NCAM1: variants seen among roughly 807,000 people sequenced by gnomAD.
NCAM1 encodes neural cell adhesion molecule 1, also known as antigen recognized by monoclonal antibody 5.1H11.
In NCAM1, 14 loss-of-function variants were observed where a neutral mutation model predicts 109.8. That is an observed-to-expected ratio of 0.13 (90% CI 0.08 to 0.20). NCAM1 has a LOEUF of 0.20. NCAM1 is among the 10% of genes least tolerant of loss of function. The probability of loss-of-function intolerance (pLI) is 1.00; values close to 1 mark genes in which losing one functional copy is unlikely to be tolerated. For synonymous variants in NCAM1, 418 were observed against 442.9 expected (o/e 0.94, Z 0.70); for missense variants, 774 against 1,109.9 (o/e 0.70, Z 4.30).
At chr11:112,993,914 A>G (rs1332276634) in intron 1 of NCAM1, among the ~76,000 whole-genome samples, 1 of 152,164 alleles carries the variant, frequency 6.6e-6, no homozygotes, top group African/African-American at 2.4e-5. Context: ...GAGAGTATCA[A>G]ATCTTGAAAT....
At chr11:113,076,555 CTAAA>C (rs1365018943) in intron 1 of NCAM1, among the ~76,000 whole-genome samples, 1 of 152,232 alleles carries the variant, frequency 6.6e-6, no homozygotes, top group Non-Finnish European at 1.5e-5. Context: ...TCTGCCCCAA[CTAAA>C]TAGTTGAGTG....
intron 1 of NCAM1, among the ~76,000 whole-genome samples, chr11:113,070,281 A>G (rs1555085064): frequency 6.6e-6 from 1 of 152,194 alleles, no homozygotes; most frequent in Admixed American, 6.5e-5. Flanking sequence ...CAGGGAGGTG[A>G]AAGAAAATAG....
chr11:113,186,391 G>C (rs567828545), intron 1 of NCAM1, among the ~76,000 whole-genome samples: 1 of 152,154 alleles, frequency 6.6e-6, no homozygotes, highest in Non-Finnish European at 1.5e-5. Flanking sequence ...ACCCTCTGCC[G>C]GTCCATGGAA....
intron 1 of NCAM1, among the ~76,000 whole-genome samples, chr11:113,028,008 G>T (rs1429506738): frequency 6.6e-6 from 1 of 152,178 alleles, no homozygotes; most frequent in Non-Finnish European, 1.5e-5. Flanking sequence ...TCTCATAGAA[G>T]CAGAGAATAG....
intron 17 of NCAM1, among the ~76,000 whole-genome samples, chr11:113,268,290 C>T (rs754245618): frequency 1.3e-5 from 2 of 152,344 alleles, no homozygotes; most frequent in African/African-American, 2.4e-5. Flanking sequence ...TTCTAGCTGA[C>T]GGCTAAGGCC....
chr11:113,245,685 C>T (rs1465485453), intron 14 of NCAM1, among the ~76,000 whole-genome samples: 2 of 152,168 alleles, frequency 1.3e-5, no homozygotes, highest in Non-Finnish European at 2.9e-5. Flanking sequence ...ATAAGATCCT[C>T]AAAGCCACCA....
In NCAM1 at chr11:113,240,727, A is replaced by G. The variant is rs370303328; in HGVS notation, c.1825+5563A>G. The stretch of plus-strand genomic sequence containing the variant: ...GGGTTGTTGCTTCCATTTTTTTTTC[A>G]TTCAGTATCTGTGTGCCTCAATGAT... On this transcript the variant is annotated intron_variant, in intron 14 of 19. Coordinates refer to ENST00000316851, the MANE Select transcript of NCAM1 (RefSeq NM_181351.5). 14 of 1,531,942 alleles carry G rather than the reference A, an allele frequency of 9.1e-6. No individual in the cohort carries two copies. The African/African-American group carries it at 9.6e-5, about 11-fold the overall frequency. The allele number at this position is 1,531,942 out of a possible 1,614,324, so 94.9% of individuals were successfully genotyped here. A position where few individuals can be genotyped will look rare whatever the true frequency, so the allele number is the denominator to read the frequency against.
intron 1 of NCAM1, chr11:113,130,849 T>C (rs887747502): frequency 6.6e-6 from 1 of 152,160 alleles, no homozygotes; most frequent in African/African-American, 2.4e-5. Flanking sequence ...ATCAAGTGTG[T>C]GATGGGGGTG....
chr11:113,007,363 C>T (rs781961591), intron 1 of NCAM1, among the ~76,000 whole-genome samples: 1 of 152,004 alleles, frequency 6.6e-6, no homozygotes, highest in Non-Finnish European at 1.5e-5. Context: ...TCTGGTCTGT[C>T]TATATTCTCA....
intron 14 of NCAM1, 187 bp downstream of exon 14, chr11:113,235,351 TTC>T: frequency 8.0e-7 from 1 of 1,247,160 alleles, no homozygotes; most frequent in Non-Finnish European, 1.2e-6. Flanking sequence ...AGTCCCTTCA[TTC>T]TCTCTTTCTC....
Position 113,083,790 on chromosome 11 carries a change from G to C in NCAM1, c.53-118589G>C, listed in dbSNP as rs182040474. On this transcript the variant is annotated intron_variant, in intron 1 of 19. Coordinates refer to ENST00000316851, the MANE Select transcript of NCAM1 (RefSeq NM_181351.5). ...GCTGGTGGCCCCAGGATCACTTTTTGAGTAGCAAGGGCTTTGTCTTTGAGT... is the reference window on the plus strand; with the variant it reads ...GCTGGTGGCCCCAGGATCACTTTTTCAGTAGCAAGGGCTTTGTCTTTGAGT... 1.6e-3 allele frequency among the ~76,000 whole-genome samples: 245 copies of C among 152,242 alleles called. 1 individual carries two copies. Among genetic ancestry groups the C allele is most frequent in the African/African-American group, 5.5e-3 (229 of 41,546 alleles).
At chr11:113,085,990 A>G (rs1433998254) in intron 1 of NCAM1, among the ~76,000 whole-genome samples, 1 of 152,244 alleles carries the variant, frequency 6.6e-6, no homozygotes, top group South Asian at 2.1e-4. Flanking sequence ...TCCAACTTCC[A>G]TAAGCCGCAT....
At chr11:113,156,341 C>CA (rs1379212793) in intron 1 of NCAM1, among the ~76,000 whole-genome samples, 3 of 151,950 alleles carry the variant, frequency 2.0e-5, no homozygotes, top group African/African-American at 7.3e-5. Flanking sequence ...ATAAGATGTA[C>CA]AAAACATAGA....
intron 1 of NCAM1, among the ~76,000 whole-genome samples, chr11:113,194,929 C>A (rs1390799427): frequency 2.6e-5 from 4 of 152,126 alleles, no homozygotes; most frequent in Non-Finnish European, 5.9e-5. Context: ...AGATAGAATT[C>A]TTGGGATTTA....
chr11:112,985,853 T>A (rs1239889557), intron 1 of NCAM1, among the ~76,000 whole-genome samples: 1 of 151,940 alleles, frequency 6.6e-6, no homozygotes, highest in African/African-American at 2.4e-5. Flanking sequence ...CTGCAAATAG[T>A]AACAGTTTAA....
rs182827390 is a variant in NCAM1 at position 113,227,885 on chromosome 11, C to G, written c.1090-3760C>G. ...AAGGCCTTTGATAAAATCCAACAAC[C>G]CTTCATGCTAAAAACTCTCAATAAA... On this transcript the variant is annotated intron_variant, in intron 9 of 19. Coordinates refer to ENST00000316851, the MANE Select transcript of NCAM1 (RefSeq NM_181351.5). Among the ~76,000 whole-genome samples the G allele has an allele frequency of 7.7e-4, 117 of 152,196 alleles. 1 individual carries two copies. The South Asian group carries it at 0.018, about 23-fold the overall frequency.
chr11:113,270,632 T>G, intron 18 of NCAM1: 1 of 547,850 alleles, frequency 1.8e-6, no homozygotes, highest in Non-Finnish European at 3.3e-6. Context: ...TATTAGAATC[T>G]CCCCAGAGTG....
intron 1 of NCAM1, among the ~76,000 whole-genome samples, chr11:113,112,104 G>A (rs1026773967): frequency 2.6e-5 from 4 of 152,094 alleles, no homozygotes; most frequent in African/African-American, 9.7e-5. Flanking sequence ...TGATTAGGTA[G>A]CTGAAGACTC....
At chr11:113,268,411 C>T (rs1294951976) in intron 17 of NCAM1, among the ~76,000 whole-genome samples, 2 of 152,148 alleles carry the variant, frequency 1.3e-5, no homozygotes, top group African/African-American at 4.8e-5. Context: ...CTAGGATCTT[C>T]AGTGCGAGGT....
Sources: allele counts gnomAD v4.1 joint callset (sites outside exome capture counted in the v4.1 genomes callset), GRCh38; gene constraint gnomAD v4.1.1; transcripts MANE v1.5; gene names NCBI Gene and HGNC (gene_info 2026-07-23, HGNC 2026-07-21).